The following ZRANB3 variants were observed in gnomAD, a reference collection of about 807,000 sequenced individuals.
ZRANB3 encodes DNA annealing helicase and endonuclease ZRANB3.
A neutral mutation model predicts 133.8 loss-of-function variants in ZRANB3; 125 were observed. The ratio of observed to expected loss-of-function variants is 0.93; its 90% CI spans 0.81 to 1.08. The LOEUF is 1.08. ZRANB3 is among the 50% of genes least tolerant of loss of function. ZRANB3 has a pLI of 0.00. For missense variants in ZRANB3, 1,229 were observed against 1,275.5 expected (o/e 0.96, Z 0.56); for synonymous variants, 387 against 432.7 (o/e 0.89, Z 1.31).
chr2:135,494,307 C>CAAAAAAAAAAA (rs770757530), intron 2 of ZRANB3, among the ~76,000 whole-genome samples: 4 of 51,298 alleles, frequency 7.8e-5, no homozygotes, highest in African/African-American at 7.5e-5. Context: ...GACTCCGTCT[C>CAAAAAAAAAAA]AAAAAAAAAA....
At chr2:135,467,885 T>C (rs774410402) in intron 2 of ZRANB3, among the ~76,000 whole-genome samples, 1 of 152,234 alleles carries the variant, frequency 6.6e-6, no homozygotes, top group Non-Finnish European at 1.5e-5. Flanking sequence ...ACTGGTAAGC[T>C]TAGGCAAATT....
intron 3 of ZRANB3, among the ~76,000 whole-genome samples, chr2:135,381,625 C>T (rs1484760277): frequency 2.0e-5 from 3 of 152,252 alleles, no homozygotes; most frequent in South Asian, 4.1e-4. Context: ...CACACATGGC[C>T]GGGTATCCCT....
intron 8 of ZRANB3, among the ~76,000 whole-genome samples, chr2:135,309,988 G>A (rs780973772): frequency 2.0e-4 from 30 of 152,180 alleles, no homozygotes; most frequent in Admixed American, 3.3e-4. Context: ...CCAGGTTGGA[G>A]TGCAGTGTCA....
At chr2:135,340,331 C>A (rs1411891783) in intron 6 of ZRANB3, among the ~76,000 whole-genome samples, 1 of 151,960 alleles carries the variant, frequency 6.6e-6, no homozygotes, top group East Asian at 1.9e-4. Flanking sequence ...GTCTCGAACT[C>A]CTGACCTCAG....
intron 2 of ZRANB3, among the ~76,000 whole-genome samples, chr2:135,463,303 C>T (rs1388162513): frequency 6.6e-6 from 1 of 152,080 alleles, no homozygotes; most frequent in Non-Finnish European, 1.5e-5. Flanking sequence ...TATTAATCCT[C>T]TTCTGTTTTA....
intron 2 of ZRANB3, 52 bp from the exon 3 acceptor site, chr2:135,390,872 T>C: frequency 6.7e-7 from 1 of 1,485,532 alleles, no homozygotes; most frequent in South Asian, 1.4e-5. Flanking sequence ...CTTTTTCCTT[T>C]TTTTTTTGAG....
chr2:135,402,538 C>G (rs958537234), intron 2 of ZRANB3, among the ~76,000 whole-genome samples: 10 of 151,840 alleles, frequency 6.6e-5, no homozygotes, highest in African/African-American at 2.2e-4. Context: ...TCATGATCCA[C>G]CCAACTCGGC....
chr2:135,468,034 AT>A, intron 2 of ZRANB3, among the ~76,000 whole-genome samples: 1 of 152,230 alleles, frequency 6.6e-6, no homozygotes, highest in Non-Finnish European at 1.5e-5. Flanking sequence ...AAGTTGGTAG[AT>A]AATCCAGGCA....
At chr2:135,366,845 C>T (rs1166936855) in intron 3 of ZRANB3, among the ~76,000 whole-genome samples, 2 of 151,672 alleles carry the variant, frequency 1.3e-5, no homozygotes, top group African/African-American at 4.8e-5. Flanking sequence ...AGTGAAACCT[C>T]GTCTCTACTA....
At chr2:135,322,335 A>C (rs1683569285) in intron 6 of ZRANB3, among the ~76,000 whole-genome samples, 2 of 152,190 alleles carry the variant, frequency 1.3e-5, no homozygotes, top group Non-Finnish European at 2.9e-5. Context: ...TATAAATTTT[A>C]GATTTAAAAT....
Position 135,207,746 on chromosome 2 carries a change from GC to G in ZRANB3, c.2696del (p.Gly899AlafsTer40). On this transcript the variant is annotated frameshift_variant, in exon 19 of 21. Coordinates refer to ENST00000264159, the MANE Select transcript of ZRANB3 (RefSeq NM_032143.4). LOFTEE classifies it high-confidence loss of function. ...DLTVKPSTSK[G>X]YLQAVDNEGN... ...CTTCATTATCCACAGCTTGCAAATAGCCTTTGGATGTAGAGGGCTTCACAGT... is the reference window on the plus strand; with the variant it reads ...CTTCATTATCCACAGCTTGCAAATAGCTTTGGATGTAGAGGGCTTCACAGT... The G allele has an allele frequency of 6.2e-7, 1 of 1,614,008 alleles. No individual in the cohort carries two copies. The highest frequency in any genetic ancestry group is 8.5e-7 in the Non-Finnish European group (1 of 1,179,884).
intron 2 of ZRANB3, among the ~76,000 whole-genome samples, chr2:135,398,780 C>T (rs1437391056): frequency 6.6e-6 from 1 of 152,142 alleles, no homozygotes; most frequent in Non-Finnish European, 1.5e-5. Flanking sequence ...GCCCCGGCCT[C>T]CCAAAGTGCT....
intron 2 of ZRANB3, among the ~76,000 whole-genome samples, chr2:135,441,232 G>A (rs1246908906): frequency 6.6e-6 from 1 of 152,112 alleles, no homozygotes; most frequent in Non-Finnish European, 1.5e-5. Context: ...AAAGCAGAAA[G>A]AGAAAAACAA....
At chr2:135,244,886 C>T (rs948676125) in intron 12 of ZRANB3, among the ~76,000 whole-genome samples, 12 of 152,164 alleles carry the variant, frequency 7.9e-5, no homozygotes, top group African/African-American at 2.9e-4. Context: ...ATGCTTACTT[C>T]TGCCATTATG....
At chr2:135,417,711 C>T (rs559281315) in intron 2 of ZRANB3, among the ~76,000 whole-genome samples, 60 of 152,224 alleles carry the variant, frequency 3.9e-4, no homozygotes, top group Non-Finnish European at 8.2e-4. Flanking sequence ...GGAACCAACC[C>T]AAATGTCCAA....
At chr2:135,525,439 G>A (rs1220803578) in intron 1 of ZRANB3, among the ~76,000 whole-genome samples, 2 of 152,188 alleles carry the variant, frequency 1.3e-5, no homozygotes, top group African/African-American at 2.4e-5. Flanking sequence ...CTTCTAAAAG[G>A]TTAGATTCAA....
At chr2:135,489,188 A>G (rs2104803817) in intron 2 of ZRANB3, among the ~76,000 whole-genome samples, 1 of 151,892 alleles carries the variant, frequency 6.6e-6, no homozygotes, top group African/African-American at 2.4e-5. Flanking sequence ...GGAAACACAT[A>G]AGAAAAACAG....
At chr2:135,356,434 GA>G (rs759819711) in intron 3 of ZRANB3, among the ~76,000 whole-genome samples, 1 of 151,780 alleles carries the variant, frequency 6.6e-6, no homozygotes, top group South Asian at 2.1e-4. Context: ...TATTTTTAAA[GA>G]AAAAATAAGA....
At position 135,510,602 on chromosome 2, in the gene ZRANB3, C is replaced by G. The variant is rs1400799210; in HGVS notation, c.-7-6106G>C. The G allele has an allele frequency of 4.0e-6, 3 of 747,536 alleles. No homozygotes were observed. In the East Asian group the frequency reaches 7.7e-5, roughly 19 times the overall value. The allele number at this position is 747,536 out of a possible 1,614,324, so 46.3% of individuals were successfully genotyped here. A position where few individuals can be genotyped will look rare whatever the true frequency, so the allele number is the denominator to read the frequency against. On this transcript the variant is annotated intron_variant, in intron 1 of 20. Transcript: ENST00000264159. Reference sequence around the variant, plus strand: ...CCAAATCCTGCTTTCTGCACCATGCCTCCATGAGGAGGGCCTCTCATTCCA... The same window carrying G: ...CCAAATCCTGCTTTCTGCACCATGCGTCCATGAGGAGGGCCTCTCATTCCA...
Sources: allele counts gnomAD v4.1 joint callset (sites outside exome capture counted in the v4.1 genomes callset), GRCh38; gene constraint gnomAD v4.1.1; transcripts MANE v1.5; gene names NCBI Gene and HGNC (gene_info 2026-07-23, HGNC 2026-07-21).